Variants in MYH15 observed in about 807,000 individuals in gnomAD.
The protein encoded by MYH15 is myosin-15.
MYH15 carries 227 observed loss-of-function variants against 240.5 expected under a neutral mutation model. That is an observed-to-expected ratio of 0.94 (90% CI 0.85 to 1.05). The LOEUF is 1.05. MYH15 is among the 50% of genes least tolerant of loss of function. The pLI, the probability that MYH15 is intolerant of heterozygous loss-of-function variation, is 0.00. For synonymous variants in MYH15, 785 were observed against 796.7 expected (o/e 0.99, Z 0.25); for missense variants, 2,217 against 2,247.5 (o/e 0.99, Z 0.27).
At chr3:108,531,516 AAG>A (rs1343719127), upstream of MYH15, among the ~76,000 whole-genome samples, 6 of 152,124 alleles carry the variant, frequency 3.9e-5, no homozygotes, top group African/African-American at 1.4e-4. Flanking sequence ...TAACATAGGT[AAG>A]AGAGAATATT....
At chr3:108,452,464 T>C (rs943451911) in intron 21 of MYH15, among the ~76,000 whole-genome samples, 2 of 152,150 alleles carry the variant, frequency 1.3e-5, no homozygotes, top group African/African-American at 4.8e-5. Context: ...GATATATTTA[T>C]ATAATGGAAT....
upstream of MYH15, among the ~76,000 whole-genome samples, chr3:108,514,426 C>G (rs1237165992): frequency 6.6e-6 from 1 of 152,110 alleles, no homozygotes; most frequent in Non-Finnish European, 1.5e-5. Flanking sequence ...TGAAAACGTC[C>G]TTTTCAAATA....
At chr3:108,471,362 C>G (rs1336641692) in intron 12 of MYH15, among the ~76,000 whole-genome samples, 1 of 152,128 alleles carries the variant, frequency 6.6e-6, no homozygotes, top group Non-Finnish European at 1.5e-5. Context: ...GGCCCAGTCC[C>G]AGACCTACTG....
chr3:108,496,993 C>G (rs1235135184), intron 6 of MYH15, among the ~76,000 whole-genome samples: 29 of 151,182 alleles, frequency 1.9e-4, no homozygotes, highest in African/African-American at 6.6e-4. Context: ...AACCCCGTCT[C>G]TACTAAAAAT....
intron 11 of MYH15, among the ~76,000 whole-genome samples, chr3:108,478,442 A>G (rs1161770958): frequency 1.3e-5 from 2 of 152,228 alleles, no homozygotes; most frequent in African/African-American, 4.8e-5. Context: ...TGCCCATCCT[A>G]TACTGAGATG....
At chr3:108,494,138 G>A (rs537474022) in intron 7 of MYH15, among the ~76,000 whole-genome samples, 5 of 152,346 alleles carry the variant, frequency 3.3e-5, no homozygotes, top group African/African-American at 1.2e-4. Flanking sequence ...AAGGCATCAG[G>A]GCAGGACAGC....
At position 108,421,213 on chromosome 3, in the gene MYH15, GC is replaced by G; in HGVS notation, c.3703del (p.Ala1235GlnfsTer21). 1 of 1,611,496 alleles carries G rather than the reference GC, an allele frequency of 6.2e-7. No individual in the cohort carries two copies. The highest frequency in any genetic ancestry group is 1.1e-5 in the South Asian group (1 of 91,058). ...TAGAGTACAGAGTTTCTCAGCATTT[GC>G]CTATAAGTTGAGAAAGAAGGGCTGG... ...TRVEQMTRAK[A>X]NAEKLCTLYE... On this transcript the variant is annotated frameshift_variant and splice_region_variant, in exon 28 of 41. Coordinates refer to ENST00000693548, the MANE Select transcript of MYH15 (RefSeq NM_014981.3). LOFTEE classifies it high-confidence loss of function.
intron 26 of MYH15, among the ~76,000 whole-genome samples, chr3:108,429,589 G>A (rs1201934096): frequency 1.3e-5 from 2 of 152,092 alleles, no homozygotes; most frequent in East Asian, 3.8e-4. Context: ...TACAAATCCT[G>A]AGAACATTAC....
intron 16 of MYH15, 148 bp downstream of exon 16, chr3:108,462,963 G>A: frequency 1.4e-5 from 12 of 868,530 alleles, no homozygotes; most frequent in South Asian, 8.1e-5. Context: ...CCCCCAGCCT[G>A]AAGACAGAAA....
intron 14 of MYH15, among the ~76,000 whole-genome samples, chr3:108,468,873 C>T (rs1258069394): frequency 2.0e-5 from 3 of 152,186 alleles, no homozygotes; most frequent in Admixed American, 6.5e-5. Flanking sequence ...GAAGATAAAT[C>T]TGTTCCTCTG....
chr3:108,421,359 C>A (rs2082683093), intron 27 of MYH15, 145 bp from the exon 28 acceptor site: 2 of 980,662 alleles, frequency 2.0e-6, no homozygotes, highest in Non-Finnish European at 2.9e-6. Context: ...GAGATCACAT[C>A]TTCTGATTTC....
At chr3:108,417,899 G>A (rs923585681) in intron 28 of MYH15, among the ~76,000 whole-genome samples, 3 of 150,916 alleles carry the variant, frequency 2.0e-5, no homozygotes, top group Non-Finnish European at 4.4e-5. Flanking sequence ...AAATCACATC[G>A]CATACAATAT....
intron 28 of MYH15, among the ~76,000 whole-genome samples, chr3:108,420,448 AT>A (rs1327865478): frequency 6.6e-6 from 1 of 152,230 alleles, no homozygotes; most frequent in Admixed American, 6.5e-5. Context: ...CTTTGCCCAG[AT>A]CTCCACTTGA....
chr3:108,435,837 T>TACACACACAC (rs34885657), intron 25 of MYH15, among the ~76,000 whole-genome samples: 106 of 147,350 alleles, frequency 7.2e-4, no homozygotes, highest in African/African-American at 2.5e-3. Context: ...TGTATATGTA[T>TACACACACAC]ACACACACAC....
upstream of MYH15, among the ~76,000 whole-genome samples, chr3:108,532,802 G>C (rs537285933): frequency 1.8e-4 from 27 of 152,290 alleles, no homozygotes; most frequent in Admixed American, 5.9e-4. Flanking sequence ...TAAAATTAAA[G>C]GTCAGAGGTG....
intron 27 of MYH15, among the ~76,000 whole-genome samples, chr3:108,426,568 C>T (rs1326747263): frequency 5.9e-5 from 9 of 152,234 alleles, no homozygotes; most frequent in Non-Finnish European, 1.5e-5. Context: ...ACAGTGCTAA[C>T]TCTGCAGGAG....
chr3:108,546,083 T>A, the MYH15 span, among the ~76,000 whole-genome samples: 27 of 152,290 alleles, frequency 1.8e-4, no homozygotes, highest in African/African-American at 6.3e-4. Context: ...TTTCTGAGAA[T>A]GCATCTTTTT....
chr3:108,453,723 A>G (rs2082995249), intron 21 of MYH15, among the ~76,000 whole-genome samples: 1 of 152,174 alleles, frequency 6.6e-6, no homozygotes, highest in South Asian at 2.1e-4. Context: ...TGTGAGTCAC[A>G]CCACTCTCAG....
At chr3:108,469,375 T>C (rs1242562399) in intron 14 of MYH15, among the ~76,000 whole-genome samples, 1 of 152,142 alleles carries the variant, frequency 6.6e-6, no homozygotes, top group African/African-American at 2.4e-5. Context: ...CCATGCTTGC[T>C]CCCATGGAGA....
Sources: allele counts gnomAD v4.1 joint callset (sites outside exome capture counted in the v4.1 genomes callset), GRCh38; gene constraint gnomAD v4.1.1; transcripts MANE v1.5; gene names NCBI Gene and HGNC (gene_info 2026-07-23, HGNC 2026-07-21).